POLE2: variants seen among roughly 807,000 people sequenced by gnomAD.
POLE2 encodes DNA polymerase epsilon 2, accessory subunit.
In POLE2, 56 loss-of-function variants were observed where a neutral mutation model predicts 79.4. The observed-to-expected ratio is 0.71, with a 90% CI of 0.57 to 0.88. POLE2 has a LOEUF of 0.88. POLE2 is among the 40% of genes least tolerant of loss of function. The pLI, the probability that POLE2 is intolerant of heterozygous loss-of-function variation, is 0.00. For synonymous variants in POLE2, 212 were observed against 214.0 expected (o/e 0.99, Z 0.08); for missense variants, 598 against 638.9 (o/e 0.94, Z 0.69).
At chr14:49,667,884 T>G (rs1424170750) in intron 6 of POLE2, among the ~76,000 whole-genome samples, 1 of 152,138 alleles carries the variant, frequency 6.6e-6, no homozygotes, top group African/African-American at 2.4e-5. Flanking sequence ...AGAAAAAAAT[T>G]TAAAATATAG....
chr14:49,687,590 G>A (rs1887246843), intron 1 of POLE2, among the ~76,000 whole-genome samples: 1 of 151,960 alleles, frequency 6.6e-6, no homozygotes, highest in South Asian at 2.1e-4. Flanking sequence ...GCAGCTTCTC[G>A]GGCTCAGTTT....
chr14:49,655,246 T>C (rs1389303028), intron 11 of POLE2, 152 bp from the exon 12 acceptor site: 1 of 315,656 alleles, frequency 3.2e-6, no homozygotes, highest in African/African-American at 2.2e-5. Context: ...CAGTAGCCAT[T>C]CATTGAGCAC....
Position 49,647,356 on chromosome 14 carries a change from G to C in POLE2, c.1502C>G (p.Ser501Cys), listed in dbSNP as rs1450202054. ...GAATGAAAATCCACTTCTTGGAAAA[G>C]AGCCCTTTGGGGGAGAAAAATGCCT... ...NTECLCINPG[S>C]FPRSGFSFKV... Residue 501 changes from serine to cysteine, a missense_variant, in exon 18 of 19, where the codon TCT (serine) becomes TGT (cysteine). Ser to Cys is a moderately radical substitution (Grantham distance 112). Coordinates refer to ENST00000216367, the MANE Select transcript of POLE2 (RefSeq NM_002692.4). The C allele has an allele frequency of 1.3e-6, 2 of 1,559,384 alleles. No individual in the cohort carries two copies. The highest frequency in any genetic ancestry group is 1.7e-6 in the Non-Finnish European group (2 of 1,147,866).
intron 18 of POLE2, among the ~76,000 whole-genome samples, chr14:49,645,392 TC>T (rs1316016378): frequency 6.6e-6 from 1 of 152,258 alleles, no homozygotes; most frequent in African/African-American, 2.4e-5. Flanking sequence ...ACAGAAGGCT[TC>T]TTAGGAGAAA....
chr14:49,684,532 T>C (rs773701005), intron 1 of POLE2: 2 of 151,318 alleles, frequency 1.3e-5, no homozygotes, highest in African/African-American at 2.4e-5. Context: ...CTCATTAAAA[T>C]CACATGAATT....
chr14:49,684,193 T>C (rs1344118157), intron 1 of POLE2, among the ~76,000 whole-genome samples: 1 of 152,214 alleles, frequency 6.6e-6, no homozygotes, highest in Non-Finnish European at 1.5e-5. Flanking sequence ...CTGTGCGCGG[T>C]GGCTCACGCC....
intron 12 of POLE2, 57 bp from the exon 13 acceptor site, chr14:49,654,895 T>C (rs1884537012): frequency 6.9e-7 from 1 of 1,443,038 alleles, no homozygotes. Flanking sequence ...AAAATTATAT[T>C]TGATTAGATA....
Position 49,688,116 on chromosome 14 carries a change from AG to A in POLE2, c.68+19del. On this transcript the variant is annotated intron_variant, in intron 1 of 18. Transcript: ENST00000216367. Reference sequence around the variant, plus strand: ...CCCAGCTCTTCCCTCTCGCCCTTCAAGCTGCCCGAGCCCACTCACCCACGGA... The same window carrying A: ...CCCAGCTCTTCCCTCTCGCCCTTCAACTGCCCGAGCCCACTCACCCACGGA... The A allele has an allele frequency of 1.3e-6, 2 of 1,543,462 alleles. No individual in the cohort carries two copies. The highest frequency in any genetic ancestry group is 8.8e-7 in the Non-Finnish European group (1 of 1,141,896).
intron 3 of POLE2, chr14:49,679,440 T>C (rs1440290482): frequency 3.3e-6 from 1 of 303,686 alleles, no homozygotes; most frequent in African/African-American, 2.2e-5. Flanking sequence ...AACTCATTTG[T>C]AGCATACAGA....
intron 5 of POLE2, among the ~76,000 whole-genome samples, chr14:49,670,131 C>G (rs1469240894): frequency 1.3e-5 from 2 of 151,948 alleles, no homozygotes; most frequent in Non-Finnish European, 2.9e-5. Flanking sequence ...GCCTGGCCAA[C>G]ATAGTGAAAC....
intron 16 of POLE2, among the ~76,000 whole-genome samples, 199 bp from the exon 17 acceptor site, chr14:49,650,640 T>C (rs1319106170): frequency 1.3e-5 from 2 of 152,106 alleles, no homozygotes. Flanking sequence ...GGAAAAAAAA[T>C]CTATGAGTTT....
In POLE2 at chr14:49,663,341, T is replaced by A; in HGVS notation, c.729A>T (p.Pro243=). 1.2e-6 allele frequency: 2 copies of A among 1,609,300 alleles called. No individual in the cohort carries two copies. The highest frequency in any genetic ancestry group is 1.7e-6 in the Non-Finnish European group (2 of 1,176,742). ...TAGTAGTACTAGAGGGCTCAGTGGG[T>A]GGAAATCCAAAGGCATTGACATGAA... ...QVFHVNAFGF[P]PTEPSSTTRA... is the part of the protein sequence containing the mutation. Residue 243 remains proline (P), a synonymous_variant, in exon 10 of 19, where the codon CCA becomes CCT. Coordinates refer to ENST00000216367, the MANE Select transcript of POLE2 (RefSeq NM_002692.4).
At chr14:49,686,153 G>T (rs1422245490) in intron 1 of POLE2, among the ~76,000 whole-genome samples, 1 of 152,136 alleles carries the variant, frequency 6.6e-6, no homozygotes, top group African/African-American at 2.4e-5. Context: ...TTACACCTAT[G>T]TAATCCCCTG....
intron 7 of POLE2, 73 bp downstream of exon 7, chr14:49,666,257 C>CA (rs1885483663): frequency 1.3e-6 from 1 of 775,990 alleles, no homozygotes; most frequent in East Asian, 2.7e-5. Flanking sequence ...GTGCCCACTA[C>CA]AAAAATGTTC....
At chr14:49,661,141 G>T (rs190198912) in intron 10 of POLE2, among the ~76,000 whole-genome samples, 6 of 152,086 alleles carry the variant, frequency 3.9e-5, no homozygotes, top group Admixed American at 3.3e-4. Context: ...GGCTAGTTCT[G>T]AACTCCAAAG....
At chr14:49,680,361 A>C (rs1886612286) in intron 2 of POLE2, among the ~76,000 whole-genome samples, 1 of 152,052 alleles carries the variant, frequency 6.6e-6, no homozygotes, top group Non-Finnish European at 1.5e-5. Flanking sequence ...CTCAAAAAAA[A>C]AAAAAATTCT....
chr14:49,687,059 G>A (rs548127452), intron 1 of POLE2, among the ~76,000 whole-genome samples: 3 of 152,138 alleles, frequency 2.0e-5, no homozygotes, highest in African/African-American at 7.2e-5. Flanking sequence ...CACGGCGCGA[G>A]GACTACTTGA....
rs141483427 is a variant in POLE2 at position 49,655,776 on chromosome 14, G to T, written c.823C>A (p.Leu275Ile). 560 of 1,606,860 alleles carry T rather than the reference G, an allele frequency of 3.5e-4. No individual in the cohort carries two copies. The highest frequency in any genetic ancestry group is 1.5e-3 in the Middle Eastern group (9 of 6,040). ...TTATTCTCCTCTTCTAGCTGTTTTAGTTTTGCAGAAGTCTTCACAGATGTA... is the reference window on the plus strand; with the variant it reads ...TTATTCTCCTCTTCTAGCTGTTTTATTTTTGCAGAAGTCTTCACAGATGTA... ...SNTSVKTSAK[L>I]KQLEEENKDA... is the part of the protein sequence containing the mutation. Residue 275 changes from leucine (L) to isoleucine (I), a missense_variant, in exon 11 of 19, where the codon CTA (leucine) becomes ATA (isoleucine). Leu to Ile is a conservative substitution (Grantham distance 5). Coordinates refer to ENST00000216367, the MANE Select transcript of POLE2 (RefSeq NM_002692.4).
At chr14:49,646,290 G>GT (rs1555329086) in intron 18 of POLE2, among the ~76,000 whole-genome samples, 2 of 96,166 alleles carry the variant, frequency 2.1e-5, no homozygotes, top group Admixed American at 1.0e-4. Context: ...TTGGTCAGTT[G>GT]TTTTTTTGTT....
Sources: allele counts gnomAD v4.1 joint callset (sites outside exome capture counted in the v4.1 genomes callset), GRCh38; gene constraint gnomAD v4.1.1; transcripts MANE v1.5; gene names NCBI Gene and HGNC (gene_info 2026-07-23, HGNC 2026-07-21).